KIF1A: variants seen among roughly 807,000 people sequenced by gnomAD.
The protein encoded by KIF1A is kinesin family member 1A, also known as kinesin-like protein KIF1A.
In KIF1A, 46 loss-of-function variants were observed where a neutral mutation model predicts 227.3. That is an observed-to-expected ratio of 0.20 (90% CI 0.16 to 0.26). KIF1A has a LOEUF of 0.26. Ranked by LOEUF, KIF1A falls within the 10% of genes least tolerant of loss-of-function variation. The pLI, the probability that KIF1A is intolerant of heterozygous loss-of-function variation, is 1.00. For missense variants in KIF1A, 1,683 were observed against 2,485.9 expected (o/e 0.68, Z 6.87); for synonymous variants, 1,022 against 1,012.8 (o/e 1.01, Z -0.17).
rs910871452 is a variant in KIF1A at position 240,736,018 on chromosome 2, A to T, written c.4007+1045T>A. 7.5e-5 allele frequency among the ~76,000 whole-genome samples: 9 copies of T among 120,698 alleles called. No homozygotes were observed. Among genetic ancestry groups the T allele is most frequent in the African/African-American group, 2.9e-4 (9 of 30,634 alleles). The allele number at this position is 120,698 out of a possible 152,430, so 79.2% of individuals were successfully genotyped here. On this transcript the variant is annotated intron_variant, in intron 38 of 48. Coordinates refer to ENST00000498729, the MANE Select transcript of KIF1A (RefSeq NM_001244008.2). The surrounding 1 kb of genome is among the most constrained non-coding windows in gnomAD (Gnocchi z 4.7). ...AGCGCTGTGCCCACCCTGACTATCC[A>T]GCTGCCCCCTGCCCTGGCTGCCCCT... is the stretch of plus-strand genomic sequence containing the variant.
chr2:240,788,034 C>CCCCCCCCCCCTCGTGGCGGTGGGGT lies in KIF1A; in HGVS notation c.363+16_363+17insACCCCACCGCCACGAGGGGGGGGGG. 2 of 1,449,064 alleles carry CCCCCCCCCCCTCGTGGCGGTGGGGT rather than the reference C, an allele frequency of 1.4e-6. No homozygotes were observed. The highest frequency in any genetic ancestry group is 1.9e-6 in the Non-Finnish European group (2 of 1,059,102). The allele number at this position is 1,449,064 out of a possible 1,614,324, so 89.8% of individuals were successfully genotyped here. ...CCCATCTGCCAGGGCTGCCCCCGCC[C>CCCCCCCCCCCTCGTGGCGGTGGGGT]GCCCCCCGCTTCGTGCCTGTGGGAT... On this transcript the variant is annotated intron_variant, in intron 4 of 48. Coordinates refer to ENST00000498729, the MANE Select transcript of KIF1A (RefSeq NM_001244008.2). The surrounding 1 kb of genome is among the most constrained non-coding windows in gnomAD (Gnocchi z 6.6).
chr2:240,742,149 A>G (rs1186219332), intron 34 of KIF1A, among the ~76,000 whole-genome samples: 1 of 152,150 alleles, frequency 6.6e-6, no homozygotes, highest in Non-Finnish European at 1.5e-5. Context: ...GCAAACCTTC[A>G]TCTTACAGGG....
In KIF1A at chr2:240,778,864, A is replaced by T; in HGVS notation, c.883-2938T>A. ...CACTTCCTCACACGTTCCTCACACA[A>T]CCCTTCACGCCATCCCCAATGCGGG... On this transcript the variant is annotated intron_variant, in intron 10 of 48. Coordinates refer to ENST00000498729, the MANE Select transcript of KIF1A (RefSeq NM_001244008.2). The surrounding 1 kb of genome is among the most constrained non-coding windows in gnomAD (Gnocchi z 7.2). 6.6e-6 allele frequency among the ~76,000 whole-genome samples: 1 copy of T among 150,584 alleles called. No individual in the cohort carries two copies. The highest frequency in any genetic ancestry group is 1.5e-5 in the Non-Finnish European group (1 of 67,720).
At position 240,722,031 on chromosome 2, in the gene KIF1A, C is replaced by T. The variant is rs1246009506; in HGVS notation, c.4666-147G>A. 6.1e-6 allele frequency: 4 copies of T among 660,294 alleles called. No individual in the cohort carries two copies. The Admixed American group carries it at 7.1e-5, about 12-fold the overall frequency. The allele number at this position is 660,294 out of a possible 1,614,324, so 40.9% of individuals were successfully genotyped here. ...TGGGTCAAGGTGGGCAGCACCTCCA[C>T]CCCGCCCAGGTCATCGGGTGAGCCC... is the stretch of plus-strand genomic sequence containing the variant. On this transcript the variant is annotated intron_variant, in intron 43 of 48. Transcript: ENST00000498729.
At position 240,722,505 on chromosome 2, in the gene KIF1A, G is replaced by A. The variant is rs908613211; in HGVS notation, c.4616C>T (p.Pro1539Leu). Residue 1539 changes from proline (P) to leucine (L), a missense_variant, in exon 43 of 49, where the codon CCA becomes CTA. This residue lies in a region of KIF1A where 384 missense variants were observed against 410.1 expected (regional missense o/e 0.94). Coordinates refer to ENST00000498729, the MANE Select transcript of KIF1A (RefSeq NM_001244008.2). ...CTCGTTGGGAGCCTCCAGGGGTGAT[G>A]GGCGGCCCTCAGCCGAGAGCGGGGA... Reference protein sequence around the residue: ...ASSPLSAEGRPSPLEAPNERQ... With the variant: ...ASSPLSAEGRLSPLEAPNERQ... 1.9e-6 allele frequency: 3 copies of A among 1,547,766 alleles called. No individual in the cohort carries two copies. In the African/African-American group the frequency reaches 4.1e-5, roughly 21 times the overall value.
At chr2:240,745,705 C>T (rs1402387390) in intron 31 of KIF1A, 33 bp downstream of exon 31, 19 of 1,602,548 alleles carry the variant, frequency 1.2e-5, no homozygotes, top group Middle Eastern at 1.6e-4. Context: ...AGTCCCTGCG[C>T]AGCGCAGGGA....
Position 240,758,867 on chromosome 2 carries a change from A to G in KIF1A, c.2445-370T>C, listed in dbSNP as rs2050173657. Among the ~76,000 whole-genome samples the G allele has an allele frequency of 6.6e-6, 1 of 152,208 alleles. No individual in the cohort carries two copies. The highest frequency in any genetic ancestry group is 2.1e-4 in the South Asian group (1 of 4,832). On this transcript the variant is annotated intron_variant, in intron 25 of 48. Transcript: ENST00000498729. This position sits in a 1 kb window ranked among gnomAD's most constrained non-coding sequence, Gnocchi z 5.2. The stretch of plus-strand genomic sequence containing the variant: ...CTCAGAAACGGGGATCAGGCCACAG[A>G]GGCGCAAGAGCTCGAGGAATAAAGG...
At chr2:240,750,632 G>A (rs974238028) in intron 27 of KIF1A, 85 bp from the exon 28 acceptor site, 48 of 969,556 alleles carry the variant, frequency 5.0e-5, no homozygotes, top group East Asian at 1.3e-4. Context: ...CCTGGCTCAC[G>A]ACACAACATG....
Position 240,741,427 on chromosome 2 carries a change from C to T in KIF1A, c.3641-50G>A, listed in dbSNP as rs201686786. 836 of 1,382,684 alleles carry T rather than the reference C, an allele frequency of 6.0e-4. 1 individual carries two copies. The highest frequency in any genetic ancestry group is 7.7e-4 in the Non-Finnish European group (792 of 1,032,422). 85.7% of individuals were successfully genotyped at this position (1,382,684 alleles called of 1,614,324 possible). ...CATGGATGGGAGACCTGACCTATCA[C>T]GTGCCAAGGGCACACTCAAGGAGGA... On this transcript the variant is annotated intron_variant, in intron 34 of 48. Transcript: ENST00000498729.
At position 240,789,392 on chromosome 2, in the gene KIF1A, G is replaced by C; in HGVS notation, c.107-80C>G. On this transcript the variant is annotated intron_variant, in intron 2 of 48. Coordinates refer to ENST00000498729, the MANE Select transcript of KIF1A (RefSeq NM_001244008.2). The surrounding 1 kb of genome is among the most constrained non-coding windows in gnomAD (Gnocchi z 4.8). The stretch of plus-strand genomic sequence containing the variant: ...TGGCATCTACACTCCAAGGTGGGGA[G>C]ATGGTCTTAAGAGGCCTCGGGCCCC... The C allele has an allele frequency of 3.2e-6, 4 of 1,255,946 alleles. No individual in the cohort carries two copies. Among genetic ancestry groups the C allele is most frequent in the Non-Finnish European group, 4.7e-6 (4 of 857,484 alleles). 77.8% of individuals were successfully genotyped at this position (1,255,946 alleles called of 1,614,324 possible). A position where few individuals can be genotyped will look rare whatever the true frequency, so the allele number is the denominator to read the frequency against.
chr2:240,807,934 T>C (rs2057561269), intron 1 of KIF1A, among the ~76,000 whole-genome samples: 1 of 152,112 alleles, frequency 6.6e-6, no homozygotes, highest in African/African-American at 2.4e-5. Flanking sequence ...AAAAAAGCAT[T>C]CCATAATTTT....
At chr2:240,722,158 C>T (rs2045477854) in intron 43 of KIF1A, among the ~76,000 whole-genome samples, 1 of 152,172 alleles carries the variant, frequency 6.6e-6, no homozygotes, top group Non-Finnish European at 1.5e-5. Flanking sequence ...CCCAGAGGCC[C>T]GTTCAGCCGC....
chr2:240,817,841 G>A (rs1042432030), intron 1 of KIF1A, among the ~76,000 whole-genome samples: 1 of 152,216 alleles, frequency 6.6e-6, no homozygotes, highest in Admixed American at 6.5e-5. Flanking sequence ...CTCCCAAAGG[G>A]CATGGTGGGC....
chr2:240,804,429 G>A (rs1413050358), intron 1 of KIF1A, among the ~76,000 whole-genome samples: 6 of 152,106 alleles, frequency 3.9e-5, no homozygotes, highest in Admixed American at 3.3e-4. Context: ...GGACTCCTCA[G>A]AAGGAAAGGA....
chr2:240,791,048 G>A (rs548225494), intron 2 of KIF1A, among the ~76,000 whole-genome samples: 8 of 152,014 alleles, frequency 5.3e-5, no homozygotes, highest in African/African-American at 1.9e-4. Context: ...CCCCATCCCA[G>A]GCCTGAGGAT....
At chr2:240,737,308 G>A in intron 37 of KIF1A, 140 bp from the exon 38 acceptor site, 2 of 673,390 alleles carry the variant, frequency 3.0e-6, no homozygotes, top group South Asian at 3.2e-5. Context: ...GTGCCAGGGG[G>A]AACAGGGAGG....
At chr2:240,771,259 T>C (rs1575601078) in intron 14 of KIF1A, 155 bp from the exon 15 acceptor site, 2 of 878,442 alleles carry the variant, frequency 2.3e-6, no homozygotes, top group South Asian at 1.5e-5. Flanking sequence ...AAGTAAGAGA[T>C]GGGGCCCAGA....
intron 10 of KIF1A, chr2:240,782,136 G>A (rs943032718): frequency 1.0e-6 from 1 of 985,096 alleles, no homozygotes; most frequent in Non-Finnish European, 1.2e-6. Flanking sequence ...CTTCACACGT[G>A]GCGCGCTCCG....
At chr2:240,776,888 A>G (rs4676369) in intron 10 of KIF1A, among the ~76,000 whole-genome samples, 91,372 of 152,100 alleles carry the variant, frequency 0.6, 28,279 homozygotes, top group African/African-American at 0.75. Flanking sequence ...TGAGACTCCC[A>G]GTCAAAGGGG....
Sources: allele counts gnomAD v4.1 joint callset (sites outside exome capture counted in the v4.1 genomes callset), GRCh38; gene constraint gnomAD v4.1.1; regional missense constraint gnomAD v4.1.1; non-coding constraint Gnocchi (gnomAD v3.1); transcripts MANE v1.5; gene names NCBI Gene and HGNC (gene_info 2026-07-23, HGNC 2026-07-21).